Variants in ADORA2B observed in about 807,000 individuals in gnomAD.
ADORA2B encodes the protein adenosine receptor A2b.
A neutral mutation model predicts 20.8 loss-of-function variants in ADORA2B; 18 were observed. The ratio of observed to expected loss-of-function variants is 0.87; its 90% CI spans 0.60 to 1.29. The LOEUF is 1.29. ADORA2B is among the 50% of genes most tolerant of loss of function. The probability of loss-of-function intolerance (pLI) is 0.00; values close to 1 mark genes in which losing one functional copy is unlikely to be tolerated. For missense variants in ADORA2B, 441 were observed against 422.7 expected (o/e 1.04, Z -0.38); for synonymous variants, 179 against 178.3 (o/e 1.00, Z -0.03).
the ADORA2B span, among the ~76,000 whole-genome samples, chr17:15,898,646 C>T: frequency 1.1e-4 from 16 of 152,100 alleles, no homozygotes; most frequent in East Asian, 2.9e-3. Context: ...GGATTACAGG[C>T]GTGAGCCACT....
At chr17:15,970,000 C>T (rs1035927317) in intron 1 of ADORA2B, among the ~76,000 whole-genome samples, 12 of 152,264 alleles carry the variant, frequency 7.9e-5, no homozygotes, top group Non-Finnish European at 1.6e-4. Flanking sequence ...TCTCACTCCT[C>T]AACCTTTAGC....
the ADORA2B span, among the ~76,000 whole-genome samples, chr17:15,885,565 T>C: frequency 1.3e-5 from 2 of 152,012 alleles, no homozygotes; most frequent in Non-Finnish European, 2.9e-5. Flanking sequence ...AATACAAAAA[T>C]TAGCCATGCA....
At chr17:15,926,786 T>C in the ADORA2B span, among the ~76,000 whole-genome samples, 1 of 151,928 alleles carries the variant, frequency 6.6e-6, no homozygotes, top group African/African-American at 2.4e-5. Context: ...CTAGGCAAGA[T>C]AGTGAAACTC....
chr17:15,966,985 A>G (rs1970127270), intron 1 of ADORA2B, among the ~76,000 whole-genome samples: 1 of 152,176 alleles, frequency 6.6e-6, no homozygotes, highest in Non-Finnish European at 1.5e-5. Context: ...GCCCTTCAGG[A>G]ATGTTTTGGG....
chr17:15,922,022 G>T, the ADORA2B span, among the ~76,000 whole-genome samples: 5 of 152,246 alleles, frequency 3.3e-5, no homozygotes, highest in Non-Finnish European at 5.9e-5. Flanking sequence ...GATGACTTGT[G>T]TAGGGAATTA....
At chr17:15,910,234 A>G in the ADORA2B span, among the ~76,000 whole-genome samples, 2 of 152,176 alleles carry the variant, frequency 1.3e-5, no homozygotes, top group Non-Finnish European at 2.9e-5. Flanking sequence ...AAGCTTGTCC[A>G]ACCCATGACT....
the ADORA2B span, among the ~76,000 whole-genome samples, chr17:15,871,259 G>A: frequency 2.0e-5 from 3 of 152,274 alleles, no homozygotes; most frequent in East Asian, 3.9e-4. Flanking sequence ...GGGGAGGGAC[G>A]CGTTCTCCCA....
At chr17:15,865,798 G>A in the ADORA2B span, among the ~76,000 whole-genome samples, 4 of 151,462 alleles carry the variant, frequency 2.6e-5, no homozygotes, top group Non-Finnish European at 5.9e-5. Context: ...ATTATAAATG[G>A]AATTTTAAAA....
the ADORA2B span, among the ~76,000 whole-genome samples, chr17:15,921,586 T>A: frequency 6.6e-6 from 1 of 152,192 alleles, no homozygotes; most frequent in Non-Finnish European, 1.5e-5. Flanking sequence ...AAATGGGTAA[T>A]GAAAATTAAC....
chr17:15,886,781 G>T, the ADORA2B span, among the ~76,000 whole-genome samples: 1 of 130,746 alleles, frequency 7.6e-6, no homozygotes, highest in Non-Finnish European at 1.6e-5. Context: ...GAAGATGGCA[G>T]GGAATCATGT....
At chr17:15,923,821 GT>G in the ADORA2B span, among the ~76,000 whole-genome samples, 4 of 152,122 alleles carry the variant, frequency 2.6e-5, no homozygotes, top group Non-Finnish European at 5.9e-5. Context: ...GATTGTCTTT[GT>G]TTCTGCTTAT....
At chr17:15,952,139 T>C (rs1969913000) in intron 1 of ADORA2B, among the ~76,000 whole-genome samples, 1 of 152,020 alleles carries the variant, frequency 6.6e-6, no homozygotes, top group Admixed American at 6.5e-5. Context: ...ATCACCTGGC[T>C]CCTTTCTCGG....
At chr17:15,856,817 T>G in the ADORA2B span, among the ~76,000 whole-genome samples, 9 of 152,312 alleles carry the variant, frequency 5.9e-5, no homozygotes, top group South Asian at 1.9e-3. Context: ...TCAAAGGGAA[T>G]CAGAGCATAA....
the ADORA2B span, among the ~76,000 whole-genome samples, chr17:15,858,173 G>A: frequency 2.2e-3 from 336 of 152,196 alleles, 1 homozygote; most frequent in Non-Finnish European, 2.9e-3. Flanking sequence ...TGTTTTTGAG[G>A]AACCTCCATA....
chr17:15,896,935 C>T, the ADORA2B span, among the ~76,000 whole-genome samples: 1 of 152,164 alleles, frequency 6.6e-6, no homozygotes, highest in Non-Finnish European at 1.5e-5. Flanking sequence ...GAGCATGTAA[C>T]ATTTTTCAGC....
chr17:15,859,116 C>CA, the ADORA2B span, among the ~76,000 whole-genome samples: 1 of 151,920 alleles, frequency 6.6e-6, no homozygotes. Context: ...CAAGCTTGGC[C>CA]AAAAAAACCA....
chr17:15,964,808 C>T (rs147257792), intron 1 of ADORA2B, among the ~76,000 whole-genome samples: 2,151 of 151,074 alleles, frequency 0.014, 39 homozygotes, highest in African/African-American at 0.028. Flanking sequence ...ACGCCTGTAA[C>T]CCCAGCACTT....
chr17:15,943,404 G>A (rs1969761595), upstream of ADORA2B, among the ~76,000 whole-genome samples: 1 of 152,172 alleles, frequency 6.6e-6, no homozygotes, highest in Admixed American at 6.5e-5. Context: ...CCAGCTCACT[G>A]CAGCCTCGAA....
At chr17:15,905,287 G>A in the ADORA2B span, among the ~76,000 whole-genome samples, 13,017 of 150,686 alleles carry the variant, frequency 0.086, 1,593 homozygotes, top group African/African-American at 0.27. Flanking sequence ...TTGTTGTTGG[G>A]GGGGGGTTGC....
Sources: allele counts gnomAD v4.1 joint callset (sites outside exome capture counted in the v4.1 genomes callset), GRCh38; gene constraint gnomAD v4.1.1; transcripts MANE v1.5; gene names NCBI Gene and HGNC (gene_info 2026-07-23, HGNC 2026-07-21).